The following PPP1R12B variants were observed in gnomAD, a reference collection of about 807,000 sequenced individuals.
PPP1R12B encodes the protein protein phosphatase 1 regulatory subunit 12B, also known as myosin phosphatase target subunit 2.
Under a neutral mutation model 126.1 loss-of-function variants are expected in PPP1R12B, and 76 were observed. The ratio of observed to expected loss-of-function variants is 0.60; its 90% CI spans 0.50 to 0.73. The LOEUF (loss-of-function observed/expected upper bound fraction) is 0.73. Ranked by LOEUF, PPP1R12B falls within the 30% of genes least tolerant of loss-of-function variation. The pLI is 0.00. For synonymous variants in PPP1R12B, 356 were observed against 434.7 expected (o/e 0.82, Z 2.25); for missense variants, 1,052 against 1,205.1 (o/e 0.87, Z 1.88).
At chr1:202,350,745 C>G (rs1312395733) in intron 1 of PPP1R12B, among the ~76,000 whole-genome samples, 2 of 151,820 alleles carry the variant, frequency 1.3e-5, no homozygotes, top group Non-Finnish European at 2.9e-5. Flanking sequence ...CTCAGCCTCC[C>G]GAGTAGCTGG....
intron 1 of PPP1R12B, among the ~76,000 whole-genome samples, chr1:202,411,107 G>T (rs1571884983): frequency 1.3e-5 from 2 of 152,248 alleles, no homozygotes. Flanking sequence ...CATCTACCAT[G>T]CTTCAGTCGT....
chr1:202,436,079 G>T (rs917223800), intron 9 of PPP1R12B, among the ~76,000 whole-genome samples: 1 of 151,838 alleles, frequency 6.6e-6, no homozygotes, highest in Non-Finnish European at 1.5e-5. Context: ...GGGCAACATC[G>T]GAAAACCCCA....
At chr1:202,525,210 T>TA (rs1479420712) in intron 18 of PPP1R12B, among the ~76,000 whole-genome samples, 3 of 152,190 alleles carry the variant, frequency 2.0e-5, no homozygotes, top group African/African-American at 7.2e-5. Flanking sequence ...TGGTTTGAGA[T>TA]ACCTGTTAGA....
At chr1:202,380,175 T>TA (rs1662007681) in intron 1 of PPP1R12B, among the ~76,000 whole-genome samples, 1 of 152,122 alleles carries the variant, frequency 6.6e-6, no homozygotes, top group African/African-American at 2.4e-5. Context: ...AAAACCCTCC[T>TA]AATCACTTCA....
In PPP1R12B at chr1:202,588,067, G is replaced by T. The variant is rs749627134; in HGVS notation, c.*7507G>T. On this transcript the variant is annotated 3_prime_UTR_variant, in exon 24 of 24. Transcript: ENST00000608999. ...TTGCATCCTTCTTGGAGAAGCTACA[G>T]CCTGTGCTCAGTTGAGTGGTTCACA... 1 of 152,344 alleles carries T rather than the reference G, an allele frequency of 6.6e-6. No homozygotes were observed. The highest frequency in any genetic ancestry group is 2.4e-5 in the African/African-American group (1 of 41,458). The allele number at this position is 152,344 out of a possible 1,614,324, so 9.4% of individuals were successfully genotyped here.
At chr1:202,356,276 A>T (rs1036315250) in intron 1 of PPP1R12B, among the ~76,000 whole-genome samples, 1 of 152,148 alleles carries the variant, frequency 6.6e-6, no homozygotes, top group African/African-American at 2.4e-5. Context: ...CAGTTTTCTC[A>T]TATTTGAGAC....
intron 1 of PPP1R12B, among the ~76,000 whole-genome samples, chr1:202,411,525 CT>C (rs1171198951): frequency 6.9e-6 from 1 of 145,334 alleles, no homozygotes; most frequent in East Asian, 2.1e-4. Flanking sequence ...AACCAAACTT[CT>C]TTCCTCCTAT....
intron 1 of PPP1R12B, among the ~76,000 whole-genome samples, chr1:202,383,406 A>T (rs1662652396): frequency 6.6e-6 from 1 of 152,178 alleles, no homozygotes; most frequent in Admixed American, 6.6e-5. Flanking sequence ...TATTCTATGT[A>T]TCCTTTTGCT....
At chr1:202,564,415 C>G (rs1307219638) in intron 20 of PPP1R12B, 28 bp from the exon 21 acceptor site, 1 of 1,544,880 alleles carries the variant, frequency 6.5e-7, no homozygotes, top group African/African-American at 1.4e-5. Flanking sequence ...AACGCGAACG[C>G]TGATCCTCTT....
At chr1:202,416,513 T>G (rs1440374199) in intron 1 of PPP1R12B, among the ~76,000 whole-genome samples, 4 of 106,026 alleles carry the variant, frequency 3.8e-5, no homozygotes, top group East Asian at 2.7e-4. Context: ...GCAAAAAGAG[T>G]GAAACTCTGT....
At chr1:202,569,450 G>T (rs754075618) in intron 23 of PPP1R12B, among the ~76,000 whole-genome samples, 39 of 152,126 alleles carry the variant, frequency 2.6e-4, no homozygotes, top group Non-Finnish European at 5.1e-4. Flanking sequence ...AGAGGTCTTG[G>T]CAGGCTTGAA....
intron 1 of PPP1R12B, among the ~76,000 whole-genome samples, chr1:202,408,365 C>G (rs780816399): frequency 1.3e-5 from 2 of 152,096 alleles, no homozygotes; most frequent in Non-Finnish European, 2.9e-5. Context: ...TAAACAGTTT[C>G]TAAAACTTTC....
At chr1:202,578,496 G>A (rs2149042789) in intron 23 of PPP1R12B, among the ~76,000 whole-genome samples, 1 of 152,350 alleles carries the variant, frequency 6.6e-6, no homozygotes, top group South Asian at 2.1e-4. Context: ...AGGCTACAGG[G>A]ATAGAGGAAC....
At position 202,584,988 on chromosome 1, in the gene PPP1R12B, A is replaced by G. The variant is rs575448621; in HGVS notation, c.*4428A>G. On this transcript the variant is annotated 3_prime_UTR_variant, in exon 24 of 24. Transcript: ENST00000608999. ...CAATCAGAGGTCGTGTAATTGGCCT[A>G]AATCTAGGCCCAGTTATTACTACAA... 6.6e-6 allele frequency: 1 copy of G among 152,334 alleles called. No homozygotes were observed. The highest frequency in any genetic ancestry group is 1.5e-5 in the Non-Finnish European group (1 of 68,066). 9.4% of individuals were successfully genotyped at this position (152,334 alleles called of 1,614,324 possible). A position where few individuals can be genotyped will look rare whatever the true frequency, so the allele number is the denominator to read the frequency against.
rs1477985219 is a variant in PPP1R12B, at chr1:202,495,702, C to G, written c.2448+20C>G. The G allele has an allele frequency of 1.3e-6, 2 of 1,593,136 alleles. No individual in the cohort carries two copies. Among genetic ancestry groups the G allele is most frequent in the Non-Finnish European group, 8.6e-7 (1 of 1,161,302 alleles). ...AAGGATGTAAGTGGATTGGTCTGTGCTGAGGCATATCATATTACTCTTGGT... is the reference window on the plus strand; with the variant it reads ...AAGGATGTAAGTGGATTGGTCTGTGGTGAGGCATATCATATTACTCTTGGT... On this transcript the variant is annotated intron_variant, in intron 17 of 23. Transcript: ENST00000608999.
At chr1:202,423,148 T>C (rs1025634365) in intron 3 of PPP1R12B, among the ~76,000 whole-genome samples, 17 of 152,228 alleles carry the variant, frequency 1.1e-4, no homozygotes, top group African/African-American at 4.1e-4. Flanking sequence ...AGATATTTAT[T>C]GTAACTAATC....
At chr1:202,458,596 A>G (rs1673932903) in intron 13 of PPP1R12B, among the ~76,000 whole-genome samples, 1 of 152,232 alleles carries the variant, frequency 6.6e-6, no homozygotes, top group African/African-American at 2.4e-5. Context: ...TGACTTGATC[A>G]AATAAAACAT....
At chr1:202,516,356 G>A (rs866646615) in intron 18 of PPP1R12B, among the ~76,000 whole-genome samples, 5 of 152,132 alleles carry the variant, frequency 3.3e-5, no homozygotes, top group Admixed American at 1.3e-4. Flanking sequence ...GAGATAAAGG[G>A]TTGGAAAGAT....
chr1:202,395,023 A>G (rs1664739309), intron 1 of PPP1R12B, among the ~76,000 whole-genome samples: 1 of 147,022 alleles, frequency 6.8e-6, no homozygotes, highest in Non-Finnish European at 1.5e-5. Flanking sequence ...AGGCTGAGGC[A>G]TGAGAATTGC....
Sources: allele counts gnomAD v4.1 joint callset (sites outside exome capture counted in the v4.1 genomes callset), GRCh38; gene constraint gnomAD v4.1.1; transcripts MANE v1.5; gene names NCBI Gene and HGNC (gene_info 2026-07-23, HGNC 2026-07-21).